RORA: variants seen among roughly 807,000 people sequenced by gnomAD.
RORA encodes nuclear receptor ROR-alpha.
RORA carries 7 observed loss-of-function variants against 69.5 expected under a neutral mutation model. That is an observed-to-expected ratio of 0.10 (90% CI 0.06 to 0.19). The LOEUF is 0.19. Among genes scored for constraint, RORA ranks in the 10% least tolerant of loss-of-function variants. RORA has a pLI of 1.00. For synonymous variants in RORA, 261 were observed against 240.8 expected, an observed-to-expected ratio of 1.08 and a Z score of -0.78; for missense variants, 457 against 663.0, an observed-to-expected ratio of 0.69 and a Z score of 3.41.
At chr15:60,516,472 T>C (rs770367164) in intron 3 of RORA, among the ~76,000 whole-genome samples, 38 of 149,420 alleles carry the variant, frequency 2.5e-4, no homozygotes, top group Non-Finnish European at 5.0e-4. Flanking sequence ...GTAAGTAGAG[T>C]CATTTCCATG....
intron 1 of RORA, among the ~76,000 whole-genome samples, chr15:61,069,524 C>G (rs1449291876): frequency 6.6e-6 from 1 of 152,100 alleles, no homozygotes; most frequent in Non-Finnish European, 1.5e-5. Flanking sequence ...GTGGAAACAG[C>G]TGGAATTGTT....
At position 60,692,216 on chromosome 15, in the gene RORA, T is replaced by G. The variant is rs552613053; in HGVS notation, c.167-13530A>C. ...TTGGCAAAACTGTTTTTGCCAGATT[T>G]TTAAAAAAATACACTTTATTTTTAA... is the stretch of plus-strand genomic sequence containing the variant. On this transcript the variant is annotated intron_variant, in intron 1 of 10. Transcript: ENST00000335670. Among the ~76,000 whole-genome samples, 14 of 152,344 alleles carry G rather than the reference T, an allele frequency of 9.2e-5. No homozygotes were observed. In the South Asian group the frequency reaches 2.7e-3, roughly 29 times the overall value.
chr15:60,754,572 A>G (rs1188578488), intron 1 of RORA, among the ~76,000 whole-genome samples: 1 of 152,038 alleles, frequency 6.6e-6, no homozygotes, highest in Non-Finnish European at 1.5e-5. Flanking sequence ...CTTGACCCCC[A>G]ACTTTGACGC....
intron 1 of RORA, among the ~76,000 whole-genome samples, chr15:60,793,186 A>T (rs926902262): frequency 1.3e-5 from 2 of 152,234 alleles, no homozygotes; most frequent in African/African-American, 4.8e-5. Flanking sequence ...TGGCCTGAAC[A>T]TACTGTGATT....
At chr15:60,957,734 G>C (rs192203765) in intron 1 of RORA, among the ~76,000 whole-genome samples, 1 of 152,268 alleles carries the variant, frequency 6.6e-6, no homozygotes, top group African/African-American at 2.4e-5. Context: ...CTAGAGAAAG[G>C]GGGGACAGTA....
chr15:60,704,396 G>A (rs936682655), intron 1 of RORA, among the ~76,000 whole-genome samples: 2 of 152,164 alleles, frequency 1.3e-5, no homozygotes, highest in African/African-American at 4.8e-5. Flanking sequence ...CTGCCTGGGT[G>A]GCTCCCCAAA....
chr15:61,039,707 T>C (rs1460603924), intron 1 of RORA, among the ~76,000 whole-genome samples: 3 of 145,090 alleles, frequency 2.1e-5, no homozygotes, highest in Non-Finnish European at 4.5e-5. Context: ...ATTGCACCAC[T>C]GTACTCCAGC....
intron 1 of RORA, among the ~76,000 whole-genome samples, chr15:61,177,334 T>C (rs1391856633): frequency 6.6e-6 from 1 of 152,220 alleles, no homozygotes; most frequent in East Asian, 1.9e-4. Flanking sequence ...CTGACAGGCT[T>C]GGGCTTTTCA....
chr15:60,939,129 C>T (rs1892613176), intron 1 of RORA, among the ~76,000 whole-genome samples: 1 of 152,246 alleles, frequency 6.6e-6, no homozygotes, highest in African/African-American at 2.4e-5. Context: ...CCACTTTGGC[C>T]TTAGTGCTCC....
In RORA at chr15:60,495,698, T is replaced by C. The variant is rs1229586902; in HGVS notation, c.*1757A>G. The C allele has an allele frequency of 2.0e-5, 3 of 152,178 alleles. No individual in the cohort carries two copies. Among genetic ancestry groups the C allele is most frequent in the African/African-American group, 7.2e-5 (3 of 41,440 alleles). The allele number at this position is 152,178 out of a possible 1,614,324, so 9.4% of individuals were successfully genotyped here. A position where few individuals can be genotyped will look rare whatever the true frequency, so the allele number is the denominator to read the frequency against. On this transcript the variant is annotated 3_prime_UTR_variant, in exon 11 of 11. Coordinates refer to ENST00000335670, the MANE Select transcript of RORA (RefSeq NM_134261.3). ...TTAACACCCATCGGAGATGTTCCCT[T>C]TTCTGTACAAAATGGTCTTTGACCA...
At chr15:61,174,473 C>T (rs968517319) in intron 1 of RORA, among the ~76,000 whole-genome samples, 1 of 152,214 alleles carries the variant, frequency 6.6e-6, no homozygotes, top group Non-Finnish European at 1.5e-5. Context: ...ACAGACTTCT[C>T]CCTTCTCACG....
At chr15:60,854,794 G>A (rs1455469243) in intron 1 of RORA, among the ~76,000 whole-genome samples, 1 of 152,198 alleles carries the variant, frequency 6.6e-6, no homozygotes, top group African/African-American at 2.4e-5. Flanking sequence ...TAAAGTATTT[G>A]ATGTTTAAAC....
Position 61,223,314 on chromosome 15 carries a change from C to CAAA in RORA, c.166+5736_166+5738dup, listed in dbSNP as rs10685041. On this transcript the variant is annotated intron_variant, in intron 1 of 10. Coordinates refer to ENST00000335670, the MANE Select transcript of RORA (RefSeq NM_134261.3). ...GGGAGACACAGCGAAGACTCTGTCT[C>CAAA]AAAAAAAAAAAAAAAAAAAAAATGA... Among the ~76,000 whole-genome samples, 313 of 94,954 alleles carry CAAA rather than the reference C, an allele frequency of 3.3e-3. 3 individuals are homozygous for CAAA. The highest frequency in any genetic ancestry group is 6.6e-3 in the African/African-American group (155 of 23,322). 62.3% of individuals were successfully genotyped at this position (94,954 alleles called of 152,430 possible). A position where few individuals can be genotyped will look rare whatever the true frequency, so the allele number is the denominator to read the frequency against.
intron 1 of RORA, among the ~76,000 whole-genome samples, chr15:60,680,556 G>T (rs1274354065): frequency 2.0e-5 from 3 of 151,986 alleles, no homozygotes; most frequent in Non-Finnish European, 4.4e-5. Context: ...TTCATTATCT[G>T]TCTCCAGGAG....
intron 1 of RORA, among the ~76,000 whole-genome samples, chr15:60,787,100 G>T (rs1370872248): frequency 2.0e-5 from 3 of 152,240 alleles, no homozygotes; most frequent in African/African-American, 7.2e-5. Context: ...CAAATCTACA[G>T]CAAGTCATTT....
intron 1 of RORA, among the ~76,000 whole-genome samples, chr15:60,993,797 T>C (rs1325015898): frequency 6.6e-6 from 1 of 152,164 alleles, no homozygotes; most frequent in African/African-American, 2.4e-5. Flanking sequence ...AGCAAAATCA[T>C]TTGGTATTCT....
chr15:60,592,468 G>T (rs2068557228), intron 2 of RORA: 1 of 1,367,882 alleles, frequency 7.3e-7, no homozygotes. Context: ...CGACCCCGGA[G>T]CCCCCTCTGC....
chr15:61,000,636 G>A (rs758006584), intron 1 of RORA, among the ~76,000 whole-genome samples: 4 of 152,228 alleles, frequency 2.6e-5, no homozygotes, highest in African/African-American at 9.7e-5. Context: ...GACCTGGTGA[G>A]TGAAGGTTAG....
chr15:60,561,744 C>T (rs562833035), intron 2 of RORA, among the ~76,000 whole-genome samples: 16 of 151,998 alleles, frequency 1.1e-4, no homozygotes, highest in Non-Finnish European at 2.1e-4. Context: ...ACCATATGAG[C>T]TATATAAGTG....
Sources: gnomAD v4.1 joint callset for allele counts (sites outside exome capture counted in the v4.1 genomes callset) on GRCh38, gnomAD v4.1.1 for gene constraint, MANE v1.5 for transcripts, NCBI Gene and HGNC (gene_info 2026-07-23, HGNC 2026-07-21) for gene names.